Variants in P3H3 observed in about 807,000 individuals in gnomAD.
P3H3 encodes the protein gene rich cluster, B.
P3H3 carries 64 observed loss-of-function variants against 78.1 expected under a neutral mutation model. That is an observed-to-expected ratio of 0.82 (90% CI 0.67 to 1.01). The LOEUF (loss-of-function observed/expected upper bound fraction) is 1.01. Among genes scored for constraint, P3H3 ranks in the 50% least tolerant of loss-of-function variants. The pLI is 0.00. For synonymous variants in P3H3, 425 were observed against 416.7 expected (o/e 1.02, Z -0.24); for missense variants, 975 against 982.2 (o/e 0.99, Z 0.10).
chr12:6,833,772 T>A lies in P3H3; in HGVS notation c.1296T>A (p.His432Gln). Residue 432 changes from histidine to glutamine, a missense_variant, in exon 8 of 15, where the codon CAT (histidine) becomes CAA (glutamine). Transcript: ENST00000290510. Reference protein sequence around the residue: ...REDQEKRPWDHEPVKPKPLTY... With the variant: ...REDQEKRPWDQEPVKPKPLTY... ...ATCAAGAGAAGAGGCCTTGGGACCA[T>A]GAGCCCGTGAAGCCAAAGCCCTTGA... The A allele has an allele frequency of 1.9e-6, 3 of 1,610,748 alleles. No homozygotes were observed. The highest frequency in any genetic ancestry group is 2.5e-6 in the Non-Finnish European group (3 of 1,177,012).
Position 6,837,719 on chromosome 12 carries a change from C to A in P3H3, c.1712-13C>A, listed in dbSNP as rs781973016. Reference sequence around the variant, plus strand: ...GGGGCACAGAGGTACCCCCAGACCCCTTTGTGTCCTAGGAGAGCAAGAGCA... The same window carrying A: ...GGGGCACAGAGGTACCCCCAGACCCATTTGTGTCCTAGGAGAGCAAGAGCA... On this transcript the variant is annotated splice_polypyrimidine_tract_variant and intron_variant, in intron 11 of 14. Coordinates refer to ENST00000290510, the MANE Select transcript of P3H3 (RefSeq NM_014262.5). 1.9e-6 allele frequency: 3 copies of A among 1,607,516 alleles called. No individual in the cohort carries two copies. The highest frequency in any genetic ancestry group is 2.2e-5 in the South Asian group (2 of 90,000).
rs11614219 is a variant in P3H3, at chr12:6,837,490, G to A, written c.1628G>A (p.Arg543Gln). The A allele has an allele frequency of 2.6e-3, 4,263 of 1,611,486 alleles. 10 individuals carry two copies. The highest frequency in any genetic ancestry group is 3.3e-3 in the Non-Finnish European group (3,944 of 1,178,938). ...CTTCTGGAGGTGAGCGAGCGGGTGC[G>A]GACCTTGACCCAGGCCTACTTCTCC... The part of the protein sequence containing the change: ...KLLLEVSERV[R>Q]TLTQAYFSPE... The change falls in exon 11 of 15, where the codon CGG becomes CAG. Residue 543 changes from arginine (R) to glutamine (Q), a missense_variant. Transcript: ENST00000290510.
At position 6,839,611 on chromosome 12, in the gene P3H3, G is replaced by A. The variant is rs369526248; in HGVS notation, c.*150G>A. 85 of 1,000,684 alleles carry A rather than the reference G, an allele frequency of 8.5e-5. 5 individuals carry two copies. The highest frequency in any genetic ancestry group is 6.0e-4 in the East Asian group (23 of 38,048). 62.0% of individuals were successfully genotyped at this position (1,000,684 alleles called of 1,614,324 possible). On this transcript the variant is annotated 3_prime_UTR_variant, in exon 15 of 15. Coordinates refer to ENST00000290510, the MANE Select transcript of P3H3 (RefSeq NM_014262.5). ...CCCCACCATCTTGGGGACCTACAAG[G>A]GCCTGGACTCAGAGGACAGTGCACA...
In P3H3 at chr12:6,831,967, G is replaced by A. The variant is rs1252613288; in HGVS notation, c.1212+53G>A. 4.8e-6 allele frequency: 5 copies of A among 1,040,218 alleles called. No individual in the cohort carries two copies. The African/African-American group carries it at 6.4e-5, about 13-fold the overall frequency. 64.4% of individuals were successfully genotyped at this position (1,040,218 alleles called of 1,614,324 possible). On this transcript the variant is annotated intron_variant, in intron 6 of 14. Coordinates refer to ENST00000290510, the MANE Select transcript of P3H3 (RefSeq NM_014262.5). This position sits in a 1 kb window ranked among gnomAD's most constrained non-coding sequence, Gnocchi z 4.6. Reference sequence around the variant, plus strand: ...ACCCCTCCGCACTCCCAGGAGGGATGGCACTTTGGTTTGCAACAGAGTTTT... The same window carrying A: ...ACCCCTCCGCACTCCCAGGAGGGATAGCACTTTGGTTTGCAACAGAGTTTT...
Position 6,831,971 on chromosome 12 carries a change from C to G in P3H3, c.1212+57C>G. On this transcript the variant is annotated intron_variant, in intron 6 of 14. Coordinates refer to ENST00000290510, the MANE Select transcript of P3H3 (RefSeq NM_014262.5). This position sits in a 1 kb window ranked among gnomAD's most constrained non-coding sequence, Gnocchi z 4.6. ...CTCCGCACTCCCAGGAGGGATGGCA[C>G]TTTGGTTTGCAACAGAGTTTTCCAT... 1 of 984,910 alleles carries G rather than the reference C, an allele frequency of 1.0e-6. No homozygotes were observed. The highest frequency in any genetic ancestry group is 1.6e-6 in the Non-Finnish European group (1 of 637,326). The allele number at this position is 984,910 out of a possible 1,614,324, so 61.0% of individuals were successfully genotyped here. A position where few individuals can be genotyped will look rare whatever the true frequency, so the allele number is the denominator to read the frequency against.
chr12:6,828,604 C>T lies in P3H3; in HGVS notation c.164C>T (p.Pro55Leu), dbSNP rs1591577614. 1 of 1,219,330 alleles carries T rather than the reference C, an allele frequency of 8.2e-7. No homozygotes were observed. Among genetic ancestry groups the T allele is most frequent in the Non-Finnish European group, 1.0e-6 (1 of 980,186 alleles). The allele number at this position is 1,219,330 out of a possible 1,614,324, so 75.5% of individuals were successfully genotyped here. A position where few individuals can be genotyped will look rare whatever the true frequency, so the allele number is the denominator to read the frequency against. ...GCCTACGCGGCCGGGGCTTGGGCGC[C>T]GGCCGTGGCGCTGCTGCGGGAGGCG... ...LRAYAAGAWA[P>L]AVALLREALR... The change falls in exon 1 of 15, where the codon CCG becomes CTG. Residue 55 changes from proline (P) to leucine (L), a missense_variant. By Grantham distance (98) the Pro-to-Leu change is moderately conservative. Transcript: ENST00000290510.
Position 6,829,106 on chromosome 12 carries a change from C to G in P3H3, c.498+168C>G, listed in dbSNP as rs1471563231. Reference sequence around the variant, plus strand: ...GCTGGCTAAGCGACCGCGAGGACCTCTTGAGATCGCAGAGGAGCAGCCGAG... The same window carrying G: ...GCTGGCTAAGCGACCGCGAGGACCTGTTGAGATCGCAGAGGAGCAGCCGAG... On this transcript the variant is annotated intron_variant, in intron 1 of 14. Coordinates refer to ENST00000290510, the MANE Select transcript of P3H3 (RefSeq NM_014262.5). This position sits in a 1 kb window ranked among gnomAD's most constrained non-coding sequence, Gnocchi z 5.1. 2 of 414,874 alleles carry G rather than the reference C, an allele frequency of 4.8e-6. No individual in the cohort carries two copies. The highest frequency in any genetic ancestry group is 2.0e-5 in the African/African-American group (1 of 48,840). The allele number at this position is 414,874 out of a possible 1,614,324, so 25.7% of individuals were successfully genotyped here.
At chr12:6,834,116 C>T (rs1943474656) in intron 9 of P3H3, 67 bp downstream of exon 9, 2 of 1,598,008 alleles carry the variant, frequency 1.3e-6, no homozygotes, top group Non-Finnish European at 1.7e-6. Context: ...TTCCCTTGCT[C>T]TTGGCCTGCC....
intron 9 of P3H3, among the ~76,000 whole-genome samples, 180 bp downstream of exon 9, chr12:6,834,229 G>A (rs782053319): frequency 6.6e-6 from 1 of 152,160 alleles, no homozygotes; most frequent in Non-Finnish European, 1.5e-5. Context: ...TGACATAGGT[G>A]GATGTTCTTT....
Position 6,833,896 on chromosome 12 carries a change from C to T in P3H3, c.1334-29C>T, listed in dbSNP as rs2137963225. ...CTGCCTGCCCTTAGGGGATGCTCAG[C>T]CCCCTCTGCTCTGTCTTTTCCCTGG... On this transcript the variant is annotated intron_variant, in intron 8 of 14. Coordinates refer to ENST00000290510, the MANE Select transcript of P3H3 (RefSeq NM_014262.5). The T allele has an allele frequency of 1.9e-6, 3 of 1,613,978 alleles. No individual in the cohort carries two copies. In the East Asian group the frequency reaches 6.7e-5, roughly 36 times the overall value.
At position 6,839,202 on chromosome 12, in the gene P3H3, C is replaced by T. The variant is rs756493482; in HGVS notation, c.2046+62C>T. The T allele has an allele frequency of 1.4e-3, 2,158 of 1,569,288 alleles. 2 individuals are homozygous for T. The highest frequency in any genetic ancestry group is 1.7e-3 in the Non-Finnish European group (1,991 of 1,159,138). ...GTGCGTGAAGGGTGGGCAAGGAGCC[C>T]CCGAGAAGGCTCACAGTCGGTGAGG... On this transcript the variant is annotated intron_variant, in intron 14 of 14. Transcript: ENST00000290510.
At position 6,835,453 on chromosome 12, in the gene P3H3, A is replaced by G. The variant is rs72653456; in HGVS notation, c.1458+1404A>G. On this transcript the variant is annotated intron_variant, in intron 9 of 14. Coordinates refer to ENST00000290510, the MANE Select transcript of P3H3 (RefSeq NM_014262.5). ...CAAAAAAATTAGTGGGCATTGTGGC[A>G]GGTGCCAGTAATCCCAACTACTGGG... Among the ~76,000 whole-genome samples the G allele has an allele frequency of 4.5e-3, 687 of 152,180 alleles. 25 individuals carry two copies. In the East Asian group the frequency reaches 0.098, roughly 22 times the overall value.
At chr12:6,834,079 T>C (rs11064425) in intron 9 of P3H3, 30 bp downstream of exon 9, 62,411 of 1,611,488 alleles carry the variant, frequency 0.039, 1,472 homozygotes, top group Non-Finnish European at 0.044. Context: ...CATCAGCTCG[T>C]TCAAGACTCT....
chr12:6,838,081 G>A (rs1943519042), intron 13 of P3H3, 48 bp downstream of exon 13: 1 of 1,562,636 alleles, frequency 6.4e-7, no homozygotes, highest in African/African-American at 1.4e-5. Flanking sequence ...CCCAGCTGTG[G>A]GGTCAGGATT....
At chr12:6,838,636 T>C (rs4963517) in intron 13 of P3H3, among the ~76,000 whole-genome samples, 97,521 of 151,612 alleles carry the variant, frequency 0.64, 32,072 homozygotes, top group East Asian at 0.98. Flanking sequence ...GTGAAAATGG[T>C]TCCAATATCT....
At position 6,833,930 on chromosome 12, in the gene P3H3, C is replaced by T; in HGVS notation, c.1339C>T (p.Leu447Phe). ...CTCTGTCTTTTCCCTGGCAGATGTCCTTCTCCTGGAGGGTGTGACCTTGAC... is the reference window on the plus strand; with the variant it reads ...CTCTGTCTTTTCCCTGGCAGATGTCTTTCTCCTGGAGGGTGTGACCTTGAC... ...PKPLTYWKDV[L>F]LLEGVTLTQD... is the part of the protein sequence containing the mutation. The change falls in exon 9 of 15, where the codon CTT becomes TTT. Residue 447 changes from leucine to phenylalanine, a missense_variant. Coordinates refer to ENST00000290510, the MANE Select transcript of P3H3 (RefSeq NM_014262.5). The T allele has an allele frequency of 6.2e-7, 1 of 1,613,980 alleles. No homozygotes were observed. Among genetic ancestry groups the T allele is most frequent in the East Asian group, 2.2e-5 (1 of 44,888 alleles).
rs1455999767 is a variant in P3H3 at position 6,839,597 on chromosome 12, T to C, written c.*136T>C. 2.8e-6 allele frequency: 3 copies of C among 1,081,902 alleles called. No homozygotes were observed. Among genetic ancestry groups the C allele is most frequent in the Non-Finnish European group, 3.9e-6 (3 of 771,572 alleles). The allele number at this position is 1,081,902 out of a possible 1,614,324, so 67.0% of individuals were successfully genotyped here. A position where few individuals can be genotyped will look rare whatever the true frequency, so the allele number is the denominator to read the frequency against. ...CTCTGTCCCTGCACCCCCACCATCTTGGGGACCTACAAGGGCCTGGACTCA... is the reference window on the plus strand; with the variant it reads ...CTCTGTCCCTGCACCCCCACCATCTCGGGGACCTACAAGGGCCTGGACTCA... On this transcript the variant is annotated 3_prime_UTR_variant, in exon 15 of 15. Transcript: ENST00000290510.
In P3H3 at chr12:6,837,716, C is replaced by A. The variant is rs1189785383; in HGVS notation, c.1712-16C>A. 7 of 1,604,526 alleles carry A rather than the reference C, an allele frequency of 4.4e-6. No homozygotes were observed. In the African/African-American group the frequency reaches 9.4e-5, roughly 21 times the overall value. ...ACAGGGGCACAGAGGTACCCCCAGACCCCTTTGTGTCCTAGGAGAGCAAGA... is the reference window on the plus strand; with the variant it reads ...ACAGGGGCACAGAGGTACCCCCAGAACCCTTTGTGTCCTAGGAGAGCAAGA... On this transcript the variant is annotated splice_polypyrimidine_tract_variant and intron_variant, in intron 11 of 14. Transcript: ENST00000290510.
chr12:6,838,106 C>T, intron 13 of P3H3, 73 bp downstream of exon 13: 1 of 1,544,282 alleles, frequency 6.5e-7, no homozygotes, highest in South Asian at 1.2e-5. Flanking sequence ...ACAGAAGGCT[C>T]CAGAGGCAAA....
Sources: allele counts gnomAD v4.1 joint callset (sites outside exome capture counted in the v4.1 genomes callset), GRCh38; gene constraint gnomAD v4.1.1; non-coding constraint Gnocchi (gnomAD v3.1); transcripts MANE v1.5; gene names NCBI Gene and HGNC (gene_info 2026-07-23, HGNC 2026-07-21).